Variants in C3orf22 observed in about 807,000 individuals in gnomAD.
C3orf22 encodes uncharacterized protein C3orf22.
In C3orf22, 7 loss-of-function variants were observed where a neutral mutation model predicts 10.8. The ratio of observed to expected loss-of-function variants is 0.65; its 90% CI spans 0.37 to 1.22. C3orf22 has a LOEUF of 1.22. Ranked by LOEUF, C3orf22 falls within the 50% of genes most tolerant of loss-of-function variation. C3orf22 has a pLI of 0.02. For synonymous variants in C3orf22, 79 were observed against 78.9 expected (o/e 1.00, Z 0.00); for missense variants, 173 against 177.0 (o/e 0.98, Z 0.13).
chr3:126,552,001 G>T lies in C3orf22; in HGVS notation c.211C>A (p.Arg71=). The T allele has an allele frequency of 6.2e-7, 1 of 1,608,548 alleles. No homozygotes were observed. The highest frequency in any genetic ancestry group is 1.7e-5 in the Admixed American group (1 of 58,962). Reference sequence around the variant, plus strand: ...GGCATCAGGGCAGGGACTTACCCTCGGACTGGGATGGACCTCGTTGGCACC... The same window carrying T: ...GGCATCAGGGCAGGGACTTACCCTCTGACTGGGATGGACCTCGTTGGCACC... ...RLVPTRSIPV[R]GLGAPDFTSP... is the part of the protein sequence containing the mutation. Residue 71 remains arginine (R), a synonymous_variant, in exon 3 of 4, where the codon CGA becomes AGA. Transcript: ENST00000318225.
At chr3:126,549,628 A>G, downstream of C3orf22, 1 of 1,467,480 alleles carries the variant, frequency 6.8e-7, no homozygotes, top group Non-Finnish European at 9.1e-7. Flanking sequence ...AAACATTATT[A>G]CAACAATTTT....
At chr3:126,556,503 A>G (rs1396069710) in intron 1 of C3orf22, among the ~76,000 whole-genome samples, 1 of 151,656 alleles carries the variant, frequency 6.6e-6, no homozygotes, top group Non-Finnish European at 1.5e-5. Context: ...CTGCACTTGC[A>G]CCTGTCCAGG....
chr3:126,543,285 T>C (rs988675562), intron 4 of C3orf22: 6 of 152,284 alleles, frequency 3.9e-5, no homozygotes, highest in African/African-American at 1.4e-4. Context: ...ATTTTGTTAC[T>C]TTCTGATTTT....
At chr3:126,552,275 G>A (rs1352368361) in intron 2 of C3orf22, 153 bp from the exon 3 acceptor site, 1 of 732,612 alleles carries the variant, frequency 1.4e-6, no homozygotes, top group Non-Finnish European at 1.7e-6. Flanking sequence ...CTGTGAGGCA[G>A]GTGTTACCCA....
chr3:126,529,296 G>A (rs1365086142), exon 5 of C3orf22: 1 of 1,286,974 alleles, frequency 7.8e-7, no homozygotes, highest in Non-Finnish European at 1.0e-6. Flanking sequence ...GCAATCGCAT[G>A]GCCTTGAGCA....
chr3:126,551,744 C>G (rs533101168), intron 3 of C3orf22, among the ~76,000 whole-genome samples: 7 of 152,358 alleles, frequency 4.6e-5, no homozygotes, highest in Non-Finnish European at 1.0e-4. Flanking sequence ...TCCACCACTC[C>G]TCCAACTAGG....
chr3:126,543,744 TTGTGTGTATGTGTA>T (rs1231551198), intron 4 of C3orf22, among the ~76,000 whole-genome samples: 4 of 151,540 alleles, frequency 2.6e-5, no homozygotes, highest in African/African-American at 4.9e-5. Flanking sequence ...GTGAGAGGAA[TTGTGTGTATGTGTA>T]TGTGTGAATG....
At chr3:126,551,760 C>A (rs1937191838) in intron 3 of C3orf22, among the ~76,000 whole-genome samples, 1 of 152,256 alleles carries the variant, frequency 6.6e-6, no homozygotes, top group South Asian at 2.1e-4. Context: ...CTAGGCCTAA[C>A]CCCGGTGGCC....
chr3:126,540,599 C>T (rs1256971162), intron 4 of C3orf22, among the ~76,000 whole-genome samples: 1 of 152,228 alleles, frequency 6.6e-6, no homozygotes. Context: ...TATTCCATTG[C>T]ATGGATGGCC....
chr3:126,529,863 T>G (rs1936615067), intron 4 of C3orf22, among the ~76,000 whole-genome samples: 1 of 152,258 alleles, frequency 6.6e-6, no homozygotes, highest in Admixed American at 6.5e-5. Context: ...TGTGCTGCTC[T>G]GGGATGGGCC....
chr3:126,548,839 C>T (rs79815353), downstream of C3orf22, among the ~76,000 whole-genome samples: 3,506 of 152,312 alleles, frequency 0.023, 75 homozygotes, highest in African/African-American at 0.049. Context: ...TCACAAGGGT[C>T]CTCACTTCAC....
chr3:126,549,710 T>C lies in C3orf22; in HGVS notation c.*158A>G, dbSNP rs558146060. ...CTGGAAGTGGGGTGGGAACTCGCAG[T>C]TTATTAGCTTGGTGTAGCTTTTTGG... is the stretch of plus-strand genomic sequence containing the variant. On this transcript the variant is annotated 3_prime_UTR_variant, in exon 4 of 4. Transcript: ENST00000318225. 12 of 1,522,176 alleles carry C rather than the reference T, an allele frequency of 7.9e-6. No individual in the cohort carries two copies. The East Asian group carries it at 2.5e-4, about 31-fold the overall frequency. The allele number at this position is 1,522,176 out of a possible 1,614,324, so 94.3% of individuals were successfully genotyped here. A position where few individuals can be genotyped will look rare whatever the true frequency, so the allele number is the denominator to read the frequency against.
chr3:126,536,624 A>G (rs946596222), intron 4 of C3orf22, among the ~76,000 whole-genome samples: 2 of 152,040 alleles, frequency 1.3e-5, no homozygotes, highest in Non-Finnish European at 2.9e-5. Context: ...AAAAGAGTCA[A>G]AACAGACCCT....
In C3orf22 at chr3:126,552,034, T is replaced by C. The variant is rs1286773107; in HGVS notation, c.178A>G (p.Lys60Glu). The change falls in exon 3 of 4, where the codon AAG becomes GAG. Residue 60 changes from lysine (K) to glutamate (E), a missense_variant. Transcript: ENST00000318225. ...DSNTVQLPLQKRLVPTRSIPV... is the reference protein window; with the variant it reads ...DSNTVQLPLQERLVPTRSIPV... The stretch of plus-strand genomic sequence containing the variant: ...ATGGACCTCGTTGGCACCAACCTCT[T>C]CTGCAGGGGCAGCTGCACCGTGTTC... 1 of 1,613,686 alleles carries C rather than the reference T, an allele frequency of 6.2e-7. No individual in the cohort carries two copies. The highest frequency in any genetic ancestry group is 8.5e-7 in the Non-Finnish European group (1 of 1,179,806).
rs1482863285 is a variant in C3orf22, at chr3:126,542,451, C to T, written c.286+7086G>A. 1.3e-6 allele frequency: 2 copies of T among 1,567,544 alleles called. No individual in the cohort carries two copies. Among genetic ancestry groups the T allele is most frequent in the East Asian group, 2.5e-5 (1 of 40,394 alleles). ...CCGCGGCCCCGGGGAGCCGCCGCCT[C>T]CCGCGACCTGGCAGCGCGCCTCTTC... On this transcript the variant is annotated intron_variant and NMD_transcript_variant, in intron 4 of 5. Coordinates refer to the C3orf22 transcript ENST00000505070.
At chr3:126,552,215 T>C in intron 2 of C3orf22, 93 bp from the exon 3 acceptor site, 1 of 1,564,124 alleles carries the variant, frequency 6.4e-7, no homozygotes, top group Non-Finnish European at 8.7e-7. Context: ...TGCTAGGCAC[T>C]GTTCTAAGTG....
intron 4 of C3orf22, among the ~76,000 whole-genome samples, chr3:126,533,631 T>C (rs1342914497): frequency 6.6e-6 from 1 of 152,232 alleles, no homozygotes; most frequent in Non-Finnish European, 1.5e-5. Context: ...TTGCCCATAT[T>C]TTTTGAGAAC....
At chr3:126,553,847 C>CTG (rs202114296) in intron 1 of C3orf22, among the ~76,000 whole-genome samples, 3,444 of 152,300 alleles carry the variant, frequency 0.023, 88 homozygotes, top group African/African-American at 0.062. Flanking sequence ...CAGTCTGTCC[C>CTG]TCCTGCTGCT....
chr3:126,557,680 C>T (rs908672772), intron 1 of C3orf22, among the ~76,000 whole-genome samples: 1 of 152,234 alleles, frequency 6.6e-6, no homozygotes, highest in African/African-American at 2.4e-5. Context: ...CCCACCGCCT[C>T]CGTGCCCCAT....
Sources: gnomAD v4.1 joint callset for allele counts (sites outside exome capture counted in the v4.1 genomes callset) on GRCh38, gnomAD v4.1.1 for gene constraint, MANE v1.5 for transcripts, NCBI Gene and HGNC (gene_info 2026-07-23, HGNC 2026-07-21) for gene names.